Variants in ITGBL1 observed in about 807,000 individuals in gnomAD.
ITGBL1 encodes the protein integrin beta-like protein 1.
Under a neutral mutation model 68.5 loss-of-function variants are expected in ITGBL1, and 51 were observed. That is an observed-to-expected ratio of 0.74 (90% CI 0.59 to 0.94). The LOEUF (loss-of-function observed/expected upper bound fraction) is 0.94. Among genes scored for constraint, ITGBL1 ranks in the 40% least tolerant of loss-of-function variants. The probability of loss-of-function intolerance (pLI) is 0.00; values close to 1 mark genes in which losing one functional copy is unlikely to be tolerated. For synonymous variants in ITGBL1, 209 were observed against 227.3 expected, an observed-to-expected ratio of 0.92 and a Z score of 0.72; for missense variants, 649 against 647.4, an observed-to-expected ratio of 1.00 and a Z score of -0.03.
At chr13:101,601,584 T>G (rs1049387558) in intron 7 of ITGBL1, among the ~76,000 whole-genome samples, 52 of 152,324 alleles carry the variant, frequency 3.4e-4, no homozygotes, top group South Asian at 2.7e-3. Context: ...GTGCTATAAA[T>G]TTCCCTCTAC....
rs2030125792 is a variant in ITGBL1 at position 101,598,418 on chromosome 13, GTTT to G, written c.1015+123_1015+125del. The G allele has an allele frequency of 6.3e-6, 5 of 792,128 alleles. 1 individual carries two copies. The South Asian group carries it at 2.2e-4, about 35-fold the overall frequency. 49.1% of individuals were successfully genotyped at this position (792,128 alleles called of 1,614,324 possible). On this transcript the variant is annotated intron_variant, in intron 7 of 10. Coordinates refer to ENST00000376180, the MANE Select transcript of ITGBL1 (RefSeq NM_004791.3). Reference sequence around the variant, plus strand: ...TTGTTTTCTGCTTTTTGGTTTTTTTGTTTTTTATTTTTTTATTTTATTTTTTAT... The same window carrying G: ...TTGTTTTCTGCTTTTTGGTTTTTTTGTTTATTTTTTTATTTTATTTTTTAT...
chr13:101,488,560 C>T (rs1296370926), intron 2 of ITGBL1, among the ~76,000 whole-genome samples: 3 of 152,164 alleles, frequency 2.0e-5, no homozygotes, highest in Admixed American at 2.0e-4. Flanking sequence ...CTGTTAACCA[C>T]CTCAGTTTCC....
chr13:101,512,748 A>G (rs2049135500), intron 2 of ITGBL1, among the ~76,000 whole-genome samples: 1 of 152,158 alleles, frequency 6.6e-6, no homozygotes, highest in Non-Finnish European at 1.5e-5. Flanking sequence ...ATTCTTATCT[A>G]TAATTACCTT....
At chr13:101,674,226 GCT>G (rs2033446112) in intron 7 of ITGBL1, among the ~76,000 whole-genome samples, 3 of 152,308 alleles carry the variant, frequency 2.0e-5, no homozygotes, top group Admixed American at 6.5e-5. Context: ...GAGGATATCT[GCT>G]TGTCTAACCT....
At chr13:101,671,440 T>G (rs1429091162) in intron 7 of ITGBL1, among the ~76,000 whole-genome samples, 11 of 93,812 alleles carry the variant, frequency 1.2e-4, no homozygotes, top group African/African-American at 5.2e-4. Flanking sequence ...TTTTTTTGTT[T>G]TTTTTTGTTT....
intron 2 of ITGBL1, among the ~76,000 whole-genome samples, chr13:101,547,016 C>T (rs926204817): frequency 6.6e-6 from 1 of 151,140 alleles, no homozygotes; most frequent in African/African-American, 2.4e-5. Context: ...AAATAAAATC[C>T]TATTGATTAC....
chr13:101,682,630 AT>A (rs1282138944), intron 7 of ITGBL1, among the ~76,000 whole-genome samples: 1 of 151,862 alleles, frequency 6.6e-6, no homozygotes, highest in Non-Finnish European at 1.5e-5. Flanking sequence ...TGAATAACCC[AT>A]TTTTGCCCTC....
At chr13:101,720,566 A>G (rs3180699), downstream of ITGBL1, 7,587 of 125,632 alleles carry the variant, frequency 0.06, 201 homozygotes, top group African/African-American at 0.076. Flanking sequence ...GTGTGTGTGT[A>G]TATGTGTGTG....
intron 2 of ITGBL1, among the ~76,000 whole-genome samples, chr13:101,510,330 G>A (rs2049095150): frequency 6.6e-6 from 1 of 152,116 alleles, no homozygotes. Context: ...TTGCTGCAAA[G>A]AACATGATTT....
intron 7 of ITGBL1, among the ~76,000 whole-genome samples, chr13:101,624,865 G>A (rs966134673): frequency 1.1e-4 from 17 of 151,452 alleles, no homozygotes; most frequent in African/African-American, 4.1e-4. Flanking sequence ...CGTAGGGGGT[G>A]GAGAAAGGTA....
chr13:101,672,390 C>A lies in ITGBL1; in HGVS notation c.1016-20195C>A, dbSNP rs1398766908. On this transcript the variant is annotated intron_variant, in intron 7 of 10. Transcript: ENST00000376180. ...TGAAAAGCAGCCCCCAAATCATTTT[C>A]TTTTCTTACGAAGAGCAGCCTATTG... Among the ~76,000 whole-genome samples the A allele has an allele frequency of 5.3e-5, 8 of 152,290 alleles. No individual in the cohort carries two copies. In the East Asian group the frequency reaches 1.5e-3, roughly 29 times the overall value.
At chr13:101,711,995 A>ATCT (rs1277316263) in intron 9 of ITGBL1, 1 of 152,208 alleles carries the variant, frequency 6.6e-6, no homozygotes, top group East Asian at 1.9e-4. Context: ...TGCAGCCTAC[A>ATCT]TCTGTCTGAT....
chr13:101,458,956 G>A lies in ITGBL1; in HGVS notation c.316+4856G>A, dbSNP rs182406169. Among the ~76,000 whole-genome samples, 11 of 152,128 alleles carry A rather than the reference G, an allele frequency of 7.2e-5. No homozygotes were observed. The East Asian group carries it at 2.1e-3, about 29-fold the overall frequency. On this transcript the variant is annotated intron_variant, in intron 2 of 10. Transcript: ENST00000376180. ...GAACAGAATTATTATTTTTTTAAAG[G>A]CCATTTAAAAGTAAAATCAATATGA...
intron 7 of ITGBL1, among the ~76,000 whole-genome samples, chr13:101,662,976 T>G (rs1013470985): frequency 6.6e-6 from 1 of 152,126 alleles, no homozygotes; most frequent in African/African-American, 2.4e-5. Flanking sequence ...CCCAGTAAAT[T>G]CCATTATTTG....
At chr13:101,544,181 G>GT (rs2049770955) in intron 2 of ITGBL1, among the ~76,000 whole-genome samples, 1 of 152,110 alleles carries the variant, frequency 6.6e-6, no homozygotes, top group Non-Finnish European at 1.5e-5. Flanking sequence ...CATCTTTGTG[G>GT]TTTTATCTAC....
chr13:101,671,426 GT>G (rs66501713), intron 7 of ITGBL1, among the ~76,000 whole-genome samples: 3 of 112,654 alleles, frequency 2.7e-5, no homozygotes, highest in East Asian at 3.5e-4. Flanking sequence ...GTATACCTTT[GT>G]TTTTTTTTTG....
chr13:101,574,128 G>A (rs1288762803), intron 3 of ITGBL1, among the ~76,000 whole-genome samples: 2 of 152,076 alleles, frequency 1.3e-5, no homozygotes, highest in African/African-American at 4.8e-5. Flanking sequence ...ATGATCACAG[G>A]ACTCCCTTGC....
intron 2 of ITGBL1, among the ~76,000 whole-genome samples, chr13:101,559,759 G>GA (rs1189888397): frequency 6.6e-6 from 1 of 152,288 alleles, no homozygotes; most frequent in East Asian, 1.9e-4. Context: ...TTCACTTGTA[G>GA]AATGGAAAAA....
chr13:101,633,592 G>C (rs564256091), intron 7 of ITGBL1, among the ~76,000 whole-genome samples: 2 of 152,134 alleles, frequency 1.3e-5, no homozygotes. Context: ...AGAGCCTCCC[G>C]TGGCTTCTCA....
Sources: allele counts gnomAD v4.1 joint callset (sites outside exome capture counted in the v4.1 genomes callset), GRCh38; gene constraint gnomAD v4.1.1; transcripts MANE v1.5; gene names NCBI Gene and HGNC (gene_info 2026-07-23, HGNC 2026-07-21).